Variants in PRDM5 observed in about 807,000 individuals in gnomAD.
PRDM5 encodes PR domain zinc finger protein 5.
In PRDM5, 56 loss-of-function variants were observed where a neutral mutation model predicts 81.2. The ratio of observed to expected loss-of-function variants is 0.69; its 90% CI spans 0.56 to 0.86. The LOEUF (loss-of-function observed/expected upper bound fraction) is 0.86. Among genes scored for constraint, PRDM5 ranks in the 40% least tolerant of loss-of-function variants. The pLI, the probability that PRDM5 is intolerant of heterozygous loss-of-function variation, is 0.00. For synonymous variants in PRDM5, 267 were observed against 256.4 expected, an observed-to-expected ratio of 1.04 and a Z score of -0.39; for missense variants, 697 against 770.1, an observed-to-expected ratio of 0.91 and a Z score of 1.12.
At chr4:120,707,938 A>G (rs2149021759) in intron 15 of PRDM5, among the ~76,000 whole-genome samples, 1 of 152,170 alleles carries the variant, frequency 6.6e-6, no homozygotes, top group Middle Eastern at 3.4e-3. Flanking sequence ...TTCTTTGGGG[A>G]ATGTAAATCA....
At chr4:120,690,688 G>A (rs1223844807), downstream of PRDM5, among the ~76,000 whole-genome samples, 2 of 150,170 alleles carry the variant, frequency 1.3e-5, no homozygotes, top group Admixed American at 1.3e-4. Flanking sequence ...ATTGTGAGCT[G>A]GGACTCTCTT....
chr4:120,711,499 G>A (rs374371323), intron 14 of PRDM5, among the ~76,000 whole-genome samples: 67 of 150,056 alleles, frequency 4.5e-4, no homozygotes, highest in African/African-American at 1.6e-3. Flanking sequence ...TAGTAGAGAT[G>A]GGGTTTCACC....
intron 2 of PRDM5, among the ~76,000 whole-genome samples, chr4:120,903,868 C>A (rs1467173185): frequency 6.6e-6 from 1 of 152,082 alleles, no homozygotes; most frequent in Non-Finnish European, 1.5e-5. Context: ...TGAGGCTGCC[C>A]CAGCCATATG....
intron 4 of PRDM5, among the ~76,000 whole-genome samples, chr4:120,819,907 G>A (rs1755037091): frequency 1.3e-5 from 2 of 152,160 alleles, no homozygotes; most frequent in South Asian, 2.1e-4. Context: ...AGCTGGCAAT[G>A]GTGACAGAAT....
intron 8 of PRDM5, among the ~76,000 whole-genome samples, chr4:120,809,773 A>G (rs941611383): frequency 1.3e-5 from 2 of 152,238 alleles, no homozygotes; most frequent in Non-Finnish European, 2.9e-5. Context: ...AGTCAATAAA[A>G]GTTGACTATG....
chr4:120,849,535 A>C (rs1330161379), intron 3 of PRDM5, among the ~76,000 whole-genome samples: 2 of 152,064 alleles, frequency 1.3e-5, no homozygotes, highest in Non-Finnish European at 2.9e-5. Flanking sequence ...AAATGTTTTT[A>C]CCCAAATGTT....
At position 120,907,709 on chromosome 4, in the gene PRDM5, A is replaced by G; in HGVS notation, c.94-152T>C. 3 of 723,732 alleles carry G rather than the reference A, an allele frequency of 4.1e-6. No individual in the cohort carries two copies. The South Asian group carries it at 4.7e-5, about 11-fold the overall frequency. 44.8% of individuals were successfully genotyped at this position (723,732 alleles called of 1,614,324 possible). On this transcript the variant is annotated intron_variant, in intron 1 of 15. Transcript: ENST00000264808. ...TATTAACTAATTTACCCAACACAAAATGTTTATTTACAATCCAACTTAATC... is the reference window on the plus strand; with the variant it reads ...TATTAACTAATTTACCCAACACAAAGTGTTTATTTACAATCCAACTTAATC...
intron 14 of PRDM5, among the ~76,000 whole-genome samples, chr4:120,717,369 C>A (rs1259395757): frequency 6.6e-6 from 1 of 152,160 alleles, no homozygotes; most frequent in African/African-American, 2.4e-5. Flanking sequence ...TGGCAGATTT[C>A]ATTCAAAAGG....
intron 7 of PRDM5, chr4:120,812,924 G>T: frequency 5.8e-6 from 1 of 172,242 alleles, no homozygotes. Context: ...AATTCATAAA[G>T]TGATTGTGTT....
At chr4:120,720,185 G>A (rs543326736) in intron 14 of PRDM5, among the ~76,000 whole-genome samples, 1 of 152,250 alleles carries the variant, frequency 6.6e-6, no homozygotes, top group Admixed American at 6.5e-5. Flanking sequence ...GCCAACATCT[G>A]TACTTCATAT....
intron 2 of PRDM5, among the ~76,000 whole-genome samples, chr4:120,870,457 AGGTGGGGGAACAGCCACCTAGTGGGG>A (rs2148535137): frequency 6.6e-6 from 1 of 152,040 alleles, no homozygotes; most frequent in Admixed American, 6.6e-5. Flanking sequence ...GTCTAGTGGG[AGGTGGGGGAACAGCCACCTAGTGGGG>A]GGTGGGGGAA....
At chr4:120,884,527 T>C (rs968521257) in intron 2 of PRDM5, among the ~76,000 whole-genome samples, 4 of 152,228 alleles carry the variant, frequency 2.6e-5, no homozygotes, top group Admixed American at 6.5e-5. Context: ...TAATGAAAGA[T>C]ACAAATATTG....
At chr4:120,915,361 T>C (rs1370358011) in intron 1 of PRDM5, among the ~76,000 whole-genome samples, 1 of 152,124 alleles carries the variant, frequency 6.6e-6, no homozygotes, top group African/African-American at 2.4e-5. Context: ...TGAGACAGAA[T>C]GAAGGTATAG....
At chr4:120,909,564 C>T (rs1197897544) in intron 1 of PRDM5, among the ~76,000 whole-genome samples, 1 of 152,038 alleles carries the variant, frequency 6.6e-6, no homozygotes, top group East Asian at 1.9e-4. Context: ...TACACACTTT[C>T]CAAAGTAACT....
intron 2 of PRDM5, chr4:120,895,462 T>C (rs978859748): frequency 3.3e-5 from 5 of 152,144 alleles, no homozygotes; most frequent in African/African-American, 9.7e-5. Context: ...TTTCTAAAAG[T>C]AAAAAGAGGG....
chr4:120,859,769 A>G (rs1159993515), intron 2 of PRDM5, among the ~76,000 whole-genome samples: 1 of 152,126 alleles, frequency 6.6e-6, no homozygotes, highest in African/African-American at 2.4e-5. Flanking sequence ...AAGAGTTTTA[A>G]TTTCTCTACC....
intron 2 of PRDM5, among the ~76,000 whole-genome samples, chr4:120,899,240 T>C (rs1764981640): frequency 1.3e-5 from 2 of 152,278 alleles, no homozygotes; most frequent in African/African-American, 4.8e-5. Context: ...CCATGCTGTA[T>C]AGTAAGCAGA....
intron 13 of PRDM5, among the ~76,000 whole-genome samples, chr4:120,766,786 C>A (rs1472616671): frequency 6.6e-6 from 1 of 152,148 alleles, no homozygotes; most frequent in Non-Finnish European, 1.5e-5. Context: ...GAGGCTTGAA[C>A]TAGATTTCTG....
chr4:120,839,634 T>C (rs1757760452), intron 3 of PRDM5, among the ~76,000 whole-genome samples: 1 of 152,166 alleles, frequency 6.6e-6, no homozygotes, highest in Admixed American at 6.5e-5. Context: ...CAAGTTCCCA[T>C]TCTGGTCGAC....
Sources: allele counts gnomAD v4.1 joint callset (sites outside exome capture counted in the v4.1 genomes callset), GRCh38; gene constraint gnomAD v4.1.1; transcripts MANE v1.5; gene names NCBI Gene and HGNC (gene_info 2026-07-23, HGNC 2026-07-21).